The following LRRC1 variants were observed in gnomAD, a reference collection of about 807,000 sequenced individuals.
The protein encoded by LRRC1 is leucine-rich repeat-containing protein 1.
LRRC1 carries 28 observed loss-of-function variants against 69.9 expected under a neutral mutation model. The observed-to-expected ratio is 0.40, with a 90% CI of 0.30 to 0.55. The LOEUF is 0.55. Among genes scored for constraint, LRRC1 ranks in the 20% least tolerant of loss-of-function variants. LRRC1 has a pLI of 0.47. For synonymous variants in LRRC1, 236 were observed against 240.2 expected, an observed-to-expected ratio of 0.98 and a Z score of 0.16; for missense variants, 498 against 609.0, an observed-to-expected ratio of 0.82 and a Z score of 1.92.
At chr6:53,808,462 G>A (rs1366069455) in intron 1 of LRRC1, among the ~76,000 whole-genome samples, 1 of 152,118 alleles carries the variant, frequency 6.6e-6, no homozygotes, top group Non-Finnish European at 1.5e-5. Flanking sequence ...TTATAATAAT[G>A]ATAGTCAGCA....
intron 6 of LRRC1, 90 bp downstream of exon 6, chr6:53,896,982 C>A: frequency 3.7e-6 from 3 of 814,382 alleles, no homozygotes; most frequent in Admixed American, 2.3e-5. Context: ...CTTTATGAAG[C>A]CAGTATTTCC....
chr6:53,918,173 A>G (rs1768628868), intron 11 of LRRC1, among the ~76,000 whole-genome samples: 1 of 152,152 alleles, frequency 6.6e-6, no homozygotes, highest in South Asian at 2.1e-4. Context: ...ATAATGTACA[A>G]TTCATAGTCT....
intron 2 of LRRC1, among the ~76,000 whole-genome samples, chr6:53,874,772 A>T (rs765958218): frequency 6.6e-6 from 1 of 152,210 alleles, no homozygotes; most frequent in Non-Finnish European, 1.5e-5. Flanking sequence ...GCCATTCTCA[A>T]TGTTAATATG....
chr6:53,803,192 T>A (rs1764535414), intron 1 of LRRC1, among the ~76,000 whole-genome samples: 1 of 152,226 alleles, frequency 6.6e-6, no homozygotes, highest in Non-Finnish European at 1.5e-5. Context: ...TCTTGAGATT[T>A]ACACAAGAGT....
intron 2 of LRRC1, among the ~76,000 whole-genome samples, chr6:53,869,098 A>G (rs894097199): frequency 1.3e-5 from 2 of 152,230 alleles, no homozygotes; most frequent in African/African-American, 4.8e-5. Flanking sequence ...TGGTGCAGAT[A>G]TTGCTCTTAT....
intron 11 of LRRC1, among the ~76,000 whole-genome samples, chr6:53,918,307 G>C (rs1297386256): frequency 6.6e-6 from 1 of 152,186 alleles, no homozygotes; most frequent in Non-Finnish European, 1.5e-5. Flanking sequence ...GCATGAGATG[G>C]ACTCAGGCTT....
chr6:53,861,849 A>T (rs563147595), intron 2 of LRRC1, among the ~76,000 whole-genome samples: 1 of 152,070 alleles, frequency 6.6e-6, no homozygotes, highest in South Asian at 2.1e-4. Flanking sequence ...AGAGGAGAAC[A>T]CATAGTAGGA....
intron 2 of LRRC1, among the ~76,000 whole-genome samples, chr6:53,843,505 C>T (rs777469430): frequency 1.4e-4 from 22 of 152,292 alleles, no homozygotes; most frequent in Non-Finnish European, 2.8e-4. Flanking sequence ...GCCATGTGAT[C>T]GTGACATTCT....
At chr6:53,812,261 T>C (rs953972191) in intron 1 of LRRC1, among the ~76,000 whole-genome samples, 2 of 152,030 alleles carry the variant, frequency 1.3e-5, no homozygotes, top group African/African-American at 4.8e-5. Flanking sequence ...CTGGAGGAGA[T>C]AGGGTTAATA....
intron 2 of LRRC1, among the ~76,000 whole-genome samples, chr6:53,865,187 GGAA>G (rs1766658138): frequency 6.6e-6 from 1 of 152,050 alleles, no homozygotes; most frequent in African/African-American, 2.4e-5. Flanking sequence ...GTGTTGTATG[GGAA>G]GAAGATCAAG....
At chr6:53,919,424 G>A (rs1056754082) in intron 11 of LRRC1, 74 bp from the exon 12 acceptor site, 3 of 1,201,802 alleles carry the variant, frequency 2.5e-6, no homozygotes, top group Non-Finnish European at 3.3e-6. Context: ...TCCTCATTTT[G>A]TTGATAGGGA....
At chr6:53,919,740 G>A in intron 12 of LRRC1, 70 bp downstream of exon 12, 1 of 1,369,984 alleles carries the variant, frequency 7.3e-7, no homozygotes, top group Admixed American at 2.0e-5. Context: ...TGTCCATAAG[G>A]CCTCTTACTC....
chr6:53,836,981 G>A (rs1267236513), intron 1 of LRRC1, among the ~76,000 whole-genome samples: 2 of 152,054 alleles, frequency 1.3e-5, no homozygotes, highest in Non-Finnish European at 2.9e-5. Flanking sequence ...AATATAGTAT[G>A]CATTTTTGTG....
At chr6:53,897,431 C>A in intron 7 of LRRC1, 72 bp downstream of exon 7, 3 of 1,091,090 alleles carry the variant, frequency 2.7e-6, no homozygotes, top group Admixed American at 2.2e-5. Flanking sequence ...TTTCCTGCTG[C>A]CACATAAGGT....
At chr6:53,876,426 C>T (rs1767072141) in intron 2 of LRRC1, among the ~76,000 whole-genome samples, 1 of 152,162 alleles carries the variant, frequency 6.6e-6, no homozygotes, top group African/African-American at 2.4e-5. Flanking sequence ...CAAAACCAAT[C>T]ATGCCTTCCC....
intron 2 of LRRC1, among the ~76,000 whole-genome samples, chr6:53,876,206 G>T (rs1364927955): frequency 6.6e-6 from 1 of 152,052 alleles, no homozygotes; most frequent in Non-Finnish European, 1.5e-5. Flanking sequence ...GCTTGTGCAG[G>T]GAAACTCCCC....
At chr6:53,917,990 C>T (rs1472025908) in intron 11 of LRRC1, among the ~76,000 whole-genome samples, 1 of 152,164 alleles carries the variant, frequency 6.6e-6, no homozygotes, top group African/African-American at 2.4e-5. Flanking sequence ...TCAGTTCTGT[C>T]CCTTAAAGAA....
At chr6:53,886,039 A>ATAAGTGT (rs758852127) in intron 4 of LRRC1, among the ~76,000 whole-genome samples, 25 of 152,346 alleles carry the variant, frequency 1.6e-4, no homozygotes, top group Non-Finnish European at 3.1e-4. Context: ...AAACATCTTA[A>ATAAGTGT]TAAGTGTTTA....
chr6:53,872,725 T>C (rs537835891), intron 2 of LRRC1, among the ~76,000 whole-genome samples: 2 of 151,486 alleles, frequency 1.3e-5, no homozygotes, highest in African/African-American at 4.8e-5. Context: ...TTGGGTAGTA[T>C]AGACACTTTT....
Sources: allele counts gnomAD v4.1 joint callset (sites outside exome capture counted in the v4.1 genomes callset), GRCh38; gene constraint gnomAD v4.1.1; transcripts MANE v1.5; gene names NCBI Gene and HGNC (gene_info 2026-07-23, HGNC 2026-07-21).